Variants in TTLL4 observed in about 807,000 individuals in gnomAD.
The protein encoded by TTLL4 is tubulin monoglutamylase TTLL4.
TTLL4 carries 85 observed loss-of-function variants against 122.7 expected under a neutral mutation model. That is an observed-to-expected ratio of 0.69 (90% CI 0.58 to 0.83). The LOEUF (loss-of-function observed/expected upper bound fraction) is 0.83. TTLL4 is among the 40% of genes least tolerant of loss of function. TTLL4 has a pLI of 0.00. For synonymous variants in TTLL4, 553 were observed against 563.0 expected (o/e 0.98, Z 0.25); for missense variants, 1,363 against 1,488.6 (o/e 0.92, Z 1.39).
Position 218,738,560 on chromosome 2 carries a change from C to T in TTLL4, c.884C>T (p.Thr295Ile). ...TTGTCTACCGCTAGCTCCCACGACA[C>T]ATCCACCACCAGTGTTGCCTCTTCC... ...IALSTASSHD[T>I]STTSVASSWY... Residue 295 changes from threonine to isoleucine, a missense_variant, in exon 3 of 20, where the codon ACA (threonine) becomes ATA (isoleucine). Thr to Ile is a moderately conservative substitution (Grantham distance 89). Around this residue, in one of 3 missense-constraint regions of TTLL4, gnomAD observed 760 missense variants for 808.4 expected, o/e 0.94. Transcript: ENST00000392102. 6.2e-7 allele frequency: 1 copy of T among 1,614,194 alleles called. No individual in the cohort carries two copies. Among genetic ancestry groups the T allele is most frequent in the South Asian group, 1.1e-5 (1 of 91,084 alleles).
At chr2:218,751,936 T>C in intron 16 of TTLL4, 130 bp downstream of exon 16, 1 of 530,084 alleles carries the variant, frequency 1.9e-6, no homozygotes. Context: ...AGATAGAGTT[T>C]CACTCTTGTT....
chr2:218,751,076 A>G (rs79571022), intron 15 of TTLL4, among the ~76,000 whole-genome samples: 3,492 of 152,310 alleles, frequency 0.023, 64 homozygotes, highest in Middle Eastern at 0.054. Flanking sequence ...AAGTTATTCA[A>G]CTAGAGAGTG....
chr2:218,717,480 A>G (rs992071851), intron 1 of TTLL4, among the ~76,000 whole-genome samples: 2 of 152,116 alleles, frequency 1.3e-5, no homozygotes, highest in African/African-American at 2.4e-5. Flanking sequence ...TTCACTTTTC[A>G]GTAATTTATA....
chr2:218,749,055 T>C (rs753819346), intron 13 of TTLL4, 121 bp downstream of exon 13: 1 of 1,267,302 alleles, frequency 7.9e-7, no homozygotes, highest in Non-Finnish European at 1.1e-6. Context: ...GGACAGAGAA[T>C]AGGAAGGAGT....
At chr2:218,756,937 T>A (rs1943164195), downstream of TTLL4, among the ~76,000 whole-genome samples, 1 of 152,172 alleles carries the variant, frequency 6.6e-6, no homozygotes, top group Admixed American at 6.5e-5. Context: ...GAGATGGCCT[T>A]GTGTCAGGAA....
At chr2:218,753,933 G>A (rs946998928) in intron 19 of TTLL4, among the ~76,000 whole-genome samples, 5 of 152,120 alleles carry the variant, frequency 3.3e-5, no homozygotes, top group Non-Finnish European at 5.9e-5. Flanking sequence ...CCCTCTACCC[G>A]CACCCCCATT....
rs3731877 is a variant in TTLL4 at position 218,737,776 on chromosome 2, G to C, written c.100G>C (p.Glu34Gln). The C allele has an allele frequency of 0.47, 753,125 of 1,613,930 alleles. 180,351 individuals carry two copies. The highest frequency in any genetic ancestry group is 0.59 in the African/African-American group (44,153 of 74,970). The change falls in exon 3 of 20, where the codon GAG becomes CAG. Residue 34 changes from glutamate (E) to glutamine (Q), a missense_variant. Glu to Gln is a conservative substitution (Grantham distance 29). Transcript: ENST00000392102. ...PSGTVPATPP[E>Q]KPSEGRVWPQ... ...AGGCACAGTACCTGCCACGCCACCTGAGAAACCCTCGGAGGGCAGAGTCTG... is the reference window on the plus strand; with the variant it reads ...AGGCACAGTACCTGCCACGCCACCTCAGAAACCCTCGGAGGGCAGAGTCTG...
At position 218,748,235 on chromosome 2, in the gene TTLL4, G is replaced by C. The variant is rs1403704835; in HGVS notation, c.2501+8G>C. ...TTGCCAGGGCCACAAATGGTACTGA[G>C]GGCAGAGTGTCCCAGTCCAGTGAAG... On this transcript the variant is annotated splice_region_variant and intron_variant, in intron 12 of 19. Transcript: ENST00000392102. The C allele has an allele frequency of 5.6e-6, 9 of 1,613,998 alleles. No individual in the cohort carries two copies. In the South Asian group the frequency reaches 9.9e-5, roughly 18 times the overall value.
At chr2:218,740,440 T>C in intron 4 of TTLL4, 81 bp from the exon 5 acceptor site, 1 of 1,469,544 alleles carries the variant, frequency 6.8e-7, no homozygotes, top group South Asian at 1.1e-5. Context: ...CCCAGGATAT[T>C]CAAGGAAGAG....
At chr2:218,728,452 G>A (rs758816757) in intron 2 of TTLL4, among the ~76,000 whole-genome samples, 12 of 152,112 alleles carry the variant, frequency 7.9e-5, no homozygotes, top group Non-Finnish European at 1.3e-4. Context: ...TAATGTTGCC[G>A]CTGAGCCTAT....
chr2:218,750,859 G>A (rs1024242320), intron 15 of TTLL4, among the ~76,000 whole-genome samples: 1 of 151,354 alleles, frequency 6.6e-6, no homozygotes, highest in Non-Finnish European at 1.5e-5. Context: ...GGCCAACTCA[G>A]TATGGCCATT....
intron 7 of TTLL4, 68 bp from the exon 8 acceptor site, chr2:218,746,087 C>T: frequency 6.4e-7 from 1 of 1,570,566 alleles, no homozygotes; most frequent in Non-Finnish European, 8.8e-7. Context: ...AGTTCTGGGG[C>T]CTCTGGGCCT....
intron 1 of TTLL4, among the ~76,000 whole-genome samples, chr2:218,711,880 A>ATTATTTTTTTTTTTTTTTT: frequency 6.7e-6 from 1 of 148,580 alleles, no homozygotes; most frequent in Admixed American, 6.8e-5. Flanking sequence ...CAAATCACCT[A>ATTATTTTTTTTTTTTTTTT]TTCTTTAACT....
At chr2:218,735,259 C>A (rs1006997232) in intron 2 of TTLL4, among the ~76,000 whole-genome samples, 1 of 151,958 alleles carries the variant, frequency 6.6e-6, no homozygotes, top group South Asian at 2.1e-4. Context: ...ATAACTTAAG[C>A]GAAAAAACCA....
At position 218,751,904 on chromosome 2, in the gene TTLL4, C is replaced by CTTTT. The variant is rs879049551; in HGVS notation, c.2976+100_2976+103dup. ...CAGCTTTTCTTTTTTTTTTTCTTTTCTTTTTCTTTTTTTTTTTTTTGAGAT... is the reference window on the plus strand; with the variant it reads ...CAGCTTTTCTTTTTTTTTTTCTTTTCTTTTTTTTTCTTTTTTTTTTTTTTGAGAT... On this transcript the variant is annotated intron_variant, in intron 16 of 19. Transcript: ENST00000392102. 2.7e-4 allele frequency: 143 copies of CTTTT among 528,938 alleles called. 1 individual carries two copies. The highest frequency in any genetic ancestry group is 3.0e-4 in the Non-Finnish European group (107 of 351,728). 32.8% of individuals were successfully genotyped at this position (528,938 alleles called of 1,614,324 possible). A position where few individuals can be genotyped will look rare whatever the true frequency, so the allele number is the denominator to read the frequency against.
rs141628074 is a variant in TTLL4, at chr2:218,738,344, T to C, written c.668T>C (p.Met223Thr). The C allele has an allele frequency of 3.0e-5, 48 of 1,614,040 alleles. No homozygotes were observed. Among genetic ancestry groups the C allele is most frequent in the Non-Finnish European group, 4.0e-5 (47 of 1,180,032 alleles). The change falls in exon 3 of 20, where the codon ATG (methionine) becomes ACG (threonine). Residue 223 changes from methionine (M) to threonine (T), a missense_variant. Met to Thr is a moderately conservative substitution (Grantham distance 81). Coordinates refer to ENST00000392102, the MANE Select transcript of TTLL4 (RefSeq NM_014640.5). ...YKPMLNNNSF[M>T]WPNSTPVPLL... ...CCCATGCTGAATAATAATTCCTTCA[T>C]GTGGCCAAATAGCACGCCAGTGCCT...
intron 1 of TTLL4, among the ~76,000 whole-genome samples, chr2:218,726,958 C>T (rs1300262769): frequency 6.6e-6 from 1 of 152,080 alleles, no homozygotes; most frequent in Non-Finnish European, 1.5e-5. Context: ...TACAGGTGTG[C>T]ACCACCATGC....
At position 218,753,678 on chromosome 2, in the gene TTLL4, T is replaced by C; in HGVS notation, c.3344+9T>C. 6.2e-7 allele frequency: 1 copy of C among 1,614,056 alleles called. No individual in the cohort carries two copies. The highest frequency in any genetic ancestry group is 1.1e-5 in the South Asian group (1 of 91,086). On this transcript the variant is annotated intron_variant, in intron 19 of 19. Coordinates refer to ENST00000392102, the MANE Select transcript of TTLL4 (RefSeq NM_014640.5). Reference sequence around the variant, plus strand: ...GAGACTAGCAAGCTGGGGTGAGTGCTGCCTGGGCAAGGGAGGGGCTGCTGG... The same window carrying C: ...GAGACTAGCAAGCTGGGGTGAGTGCCGCCTGGGCAAGGGAGGGGCTGCTGG...
rs771212333 is a variant in TTLL4 at position 218,751,821 on chromosome 2, T to A, written c.2976+15T>A. On this transcript the variant is annotated intron_variant, in intron 16 of 19. Coordinates refer to ENST00000392102, the MANE Select transcript of TTLL4 (RefSeq NM_014640.5). ...TTCCTGATCAGGTAGGAGATTGGTCTTCCCCCCAGTGCTAGCAGAAAACTT... is the reference window on the plus strand; with the variant it reads ...TTCCTGATCAGGTAGGAGATTGGTCATCCCCCCAGTGCTAGCAGAAAACTT... 6.2e-7 allele frequency: 1 copy of A among 1,601,438 alleles called. No individual in the cohort carries two copies. Among genetic ancestry groups the A allele is most frequent in the Admixed American group, 1.7e-5 (1 of 59,286 alleles).
Sources: allele counts gnomAD v4.1 joint callset (sites outside exome capture counted in the v4.1 genomes callset), GRCh38; gene constraint gnomAD v4.1.1; regional missense constraint gnomAD v4.1.1; transcripts MANE v1.5; gene names NCBI Gene and HGNC (gene_info 2026-07-23, HGNC 2026-07-21).